The following LAMA4 variants were observed in gnomAD, a reference collection of about 807,000 sequenced individuals.
LAMA4 encodes laminin subunit alpha 4.
In LAMA4, 127 loss-of-function variants were observed where a neutral mutation model predicts 207.1. That is an observed-to-expected ratio of 0.61 (90% CI 0.53 to 0.71). The LOEUF is 0.71. Among genes scored for constraint, LAMA4 ranks in the 30% least tolerant of loss-of-function variants. LAMA4 has a pLI of 0.00. For missense variants in LAMA4, 2,093 were observed against 2,246.5 expected, an observed-to-expected ratio of 0.93 and a Z score of 1.38; for synonymous variants, 761 against 816.0, an observed-to-expected ratio of 0.93 and a Z score of 1.15.
intron 2 of LAMA4, among the ~76,000 whole-genome samples, chr6:112,222,180 C>A (rs114187844): frequency 4.6e-5 from 7 of 152,334 alleles, no homozygotes; most frequent in African/African-American, 1.4e-4. Flanking sequence ...CTCACGCATC[C>A]TCCCTTGGGT....
intron 11 of LAMA4, among the ~76,000 whole-genome samples, chr6:112,173,180 C>T (rs548678940): frequency 6.6e-5 from 10 of 152,096 alleles, no homozygotes; most frequent in African/African-American, 9.6e-5. Flanking sequence ...CTTATCTTGT[C>T]GGTAATAAGG....
At chr6:112,230,633 G>T (rs1308342594) in intron 2 of LAMA4, among the ~76,000 whole-genome samples, 1 of 152,172 alleles carries the variant, frequency 6.6e-6, no homozygotes, top group Non-Finnish European at 1.5e-5. Flanking sequence ...TGTTTTAACT[G>T]GTTCTCCTGA....
At chr6:112,161,489 G>A (rs577510737) in intron 13 of LAMA4, among the ~76,000 whole-genome samples, 2 of 152,148 alleles carry the variant, frequency 1.3e-5, no homozygotes, top group Non-Finnish European at 2.9e-5. Context: ...AATAGACCAT[G>A]GACATACCAC....
At chr6:112,182,494 A>T (rs1307974160) in intron 9 of LAMA4, among the ~76,000 whole-genome samples, 1 of 152,214 alleles carries the variant, frequency 6.6e-6, no homozygotes, top group African/African-American at 2.4e-5. Flanking sequence ...AACTGTACTT[A>T]ATTTTCTCCT....
In LAMA4 at chr6:112,119,149, G is replaced by A. The variant is rs1778199076; in HGVS notation, c.4821+7C>T. ...TCAATGGCTCTACCTGGTCATGCCT[G>A]GCTTACCTGAACATTTTTCACAGCC... On this transcript the variant is annotated splice_region_variant and intron_variant, in intron 34 of 38. Coordinates refer to ENST00000230538, the MANE Select transcript of LAMA4 (RefSeq NM_001105206.3). 4.3e-6 allele frequency: 7 copies of A among 1,613,492 alleles called. No homozygotes were observed. The East Asian group carries it at 1.6e-4, about 36-fold the overall frequency.
chr6:112,130,826 G>C, intron 29 of LAMA4, 142 bp downstream of exon 29: 1 of 785,994 alleles, frequency 1.3e-6, no homozygotes, highest in Middle Eastern at 3.7e-4. Flanking sequence ...ATATTTTTTT[G>C]AGGAAGATAA....
At chr6:112,205,313 C>T (rs1554353877) in intron 4 of LAMA4, among the ~76,000 whole-genome samples, 1 of 152,126 alleles carries the variant, frequency 6.6e-6, no homozygotes, top group East Asian at 1.9e-4. Flanking sequence ...TATCCTAGTC[C>T]AGTCCTCACA....
At chr6:112,228,613 G>T (rs1343682481) in intron 2 of LAMA4, among the ~76,000 whole-genome samples, 3 of 152,192 alleles carry the variant, frequency 2.0e-5, no homozygotes, top group Non-Finnish European at 4.4e-5. Flanking sequence ...TCCCTCTAGG[G>T]CCCAAGGGGA....
At position 112,134,692 on chromosome 6, in the gene LAMA4, T is replaced by C. The variant is rs781788349; in HGVS notation, c.3415-83A>G. ...TGACTTCTATATATTTTAATTCTCC[T>C]GGTATACTAGCTGTTCTTCCATGCC... On this transcript the variant is annotated intron_variant, in intron 25 of 38. Transcript: ENST00000230538. 8.0e-4 allele frequency: 891 copies of C among 1,108,366 alleles called. 3 individuals are homozygous for C. Among genetic ancestry groups the C allele is most frequent in the Non-Finnish European group, 5.7e-4 (425 of 742,730 alleles). The allele number at this position is 1,108,366 out of a possible 1,614,324, so 68.7% of individuals were successfully genotyped here. A position where few individuals can be genotyped will look rare whatever the true frequency, so the allele number is the denominator to read the frequency against.
intron 2 of LAMA4, among the ~76,000 whole-genome samples, chr6:112,244,747 C>A (rs764813978): frequency 1.3e-5 from 2 of 152,190 alleles, no homozygotes; most frequent in African/African-American, 2.4e-5. Flanking sequence ...AATCTCTAAA[C>A]TTCCTAAGTC....
chr6:112,127,336 G>A lies in LAMA4; in HGVS notation c.4287+1586C>T, dbSNP rs546675313. The stretch of plus-strand genomic sequence containing the variant: ...AGGAGGCAGGCTGCAGTATTCAATA[G>A]GGTGTCAATGTAGGTCATTGAACAG... On this transcript the variant is annotated intron_variant, in intron 31 of 38. Coordinates refer to ENST00000230538, the MANE Select transcript of LAMA4 (RefSeq NM_001105206.3). Among the ~76,000 whole-genome samples, 3 of 152,150 alleles carry A rather than the reference G, an allele frequency of 2.0e-5. No individual in the cohort carries two copies. In the East Asian group the frequency reaches 5.8e-4, roughly 29 times the overall value.
rs147428251 is a variant in LAMA4 at position 112,201,856 on chromosome 6, G to A, written c.423-168C>T. 3.5e-3 allele frequency among the ~76,000 whole-genome samples: 528 copies of A among 152,236 alleles called. 4 individuals carry two copies. The highest frequency in any genetic ancestry group is 4.0e-3 in the Non-Finnish European group (270 of 68,016). On this transcript the variant is annotated intron_variant, in intron 4 of 38. Coordinates refer to ENST00000230538, the MANE Select transcript of LAMA4 (RefSeq NM_001105206.3). ...TTACCTTGCAGGAAAGGTTAGGCTA[G>A]CAGGCCCCAAAAGAAAATGCCACTT... is the stretch of plus-strand genomic sequence containing the variant.
At chr6:112,223,988 G>A (rs1785060266) in intron 2 of LAMA4, among the ~76,000 whole-genome samples, 1 of 151,944 alleles carries the variant, frequency 6.6e-6, no homozygotes, top group South Asian at 2.1e-4. Context: ...TGTGTCCTCT[G>A]CCCATCTCAG....
At chr6:112,144,429 A>C (rs182866555) in intron 19 of LAMA4, among the ~76,000 whole-genome samples, 5 of 152,382 alleles carry the variant, frequency 3.3e-5, no homozygotes, top group African/African-American at 1.2e-4. Context: ...ATAACATAAA[A>C]TATAAGAACG....
intron 2 of LAMA4, chr6:112,217,983 G>A (rs1784724115): frequency 6.6e-6 from 1 of 152,150 alleles, no homozygotes; most frequent in Non-Finnish European, 1.5e-5. Flanking sequence ...TATTGGTGTA[G>A]ATATGGAGAT....
At chr6:112,119,455 A>C in intron 33 of LAMA4, 144 bp from the exon 34 acceptor site, 1 of 881,998 alleles carries the variant, frequency 1.1e-6, no homozygotes, top group East Asian at 2.6e-5. Flanking sequence ...CCCATCTCTG[A>C]AGGTCAGGAG....
At chr6:112,123,902 C>G (rs1168815796) in intron 31 of LAMA4, among the ~76,000 whole-genome samples, 2 of 152,110 alleles carry the variant, frequency 1.3e-5, no homozygotes, top group Non-Finnish European at 2.9e-5. Context: ...GGAAATATAC[C>G]CAGCTACCAA....
At chr6:112,249,324 T>C (rs1554189249) in intron 2 of LAMA4, among the ~76,000 whole-genome samples, 1 of 150,706 alleles carries the variant, frequency 6.6e-6, no homozygotes, top group African/African-American at 2.4e-5. Context: ...GTGCCTGTAA[T>C]CCCAGCTACT....
chr6:112,150,051 A>G (rs781790031), intron 17 of LAMA4, among the ~76,000 whole-genome samples: 2 of 152,156 alleles, frequency 1.3e-5, no homozygotes, highest in African/African-American at 4.8e-5. Flanking sequence ...TGTTGCTTAT[A>G]TGGTAAGAAT....
Sources: gnomAD v4.1 joint callset for allele counts (sites outside exome capture counted in the v4.1 genomes callset) on GRCh38, gnomAD v4.1.1 for gene constraint, MANE v1.5 for transcripts, NCBI Gene and HGNC (gene_info 2026-07-23, HGNC 2026-07-21) for gene names.